The following ARHGAP24 variants were observed in gnomAD, a reference collection of about 807,000 sequenced individuals.
The protein encoded by ARHGAP24 is rho GTPase-activating protein 24.
ARHGAP24 carries 50 observed loss-of-function variants against 76.4 expected under a neutral mutation model. The ratio of observed to expected loss-of-function variants is 0.65; its 90% CI spans 0.52 to 0.83. The LOEUF (loss-of-function observed/expected upper bound fraction) is 0.83, where lower values mean the gene tolerates loss of function less well. Ranked by LOEUF, ARHGAP24 falls within the 40% of genes least tolerant of loss-of-function variation. The pLI, the probability that ARHGAP24 is intolerant of heterozygous loss-of-function variation, is 0.00. For synonymous variants in ARHGAP24, 345 were observed against 323.3 expected (o/e 1.07, Z -0.72); for missense variants, 930 against 914.2 (o/e 1.02, Z -0.22).
chr4:85,944,756 A>G (rs566937581), intron 5 of ARHGAP24, among the ~76,000 whole-genome samples: 1 of 152,370 alleles, frequency 6.6e-6, no homozygotes, highest in East Asian at 1.9e-4. Context: ...TATGAAAATC[A>G]TGAAATCAGA....
At chr4:85,766,973 T>C (rs1726952176) in intron 3 of ARHGAP24, among the ~76,000 whole-genome samples, 1 of 152,220 alleles carries the variant, frequency 6.6e-6, no homozygotes, top group African/African-American at 2.4e-5. Flanking sequence ...TGTTTAGATA[T>C]GTTTGGATAC....
chr4:85,902,411 T>G (rs1734549500), intron 3 of ARHGAP24, among the ~76,000 whole-genome samples: 1 of 152,198 alleles, frequency 6.6e-6, no homozygotes, highest in Non-Finnish European at 1.5e-5. Flanking sequence ...GTGGACCCAG[T>G]GCCTTTACAC....
At chr4:85,928,836 T>G (rs13112381) in intron 4 of ARHGAP24, among the ~76,000 whole-genome samples, 15,903 of 152,138 alleles carry the variant, frequency 0.1, 954 homozygotes, top group East Asian at 0.23. Flanking sequence ...TGTATATTTC[T>G]GCCTCCTAAT....
intron 3 of ARHGAP24, among the ~76,000 whole-genome samples, chr4:85,799,411 GA>G: frequency 6.6e-6 from 1 of 152,176 alleles, no homozygotes; most frequent in Admixed American, 6.5e-5. Context: ...TTTGAGCAAG[GA>G]AAGAAAGATA....
At chr4:85,936,483 T>C (rs1452804906) in intron 4 of ARHGAP24, among the ~76,000 whole-genome samples, 2 of 152,094 alleles carry the variant, frequency 1.3e-5, no homozygotes, top group Non-Finnish European at 2.9e-5. Flanking sequence ...GTGTGGTCCT[T>C]GTGTCTGTGG....
intron 2 of ARHGAP24, among the ~76,000 whole-genome samples, chr4:85,620,839 G>T (rs1045514927): frequency 6.6e-6 from 1 of 151,890 alleles, no homozygotes; most frequent in South Asian, 2.1e-4. Flanking sequence ...TGGGTGTATT[G>T]TATAATGCTA....
At chr4:85,865,570 AAAT>A (rs994510604) in intron 3 of ARHGAP24, among the ~76,000 whole-genome samples, 3 of 147,964 alleles carry the variant, frequency 2.0e-5, no homozygotes, top group Admixed American at 6.8e-5. Flanking sequence ...ATAATTATAT[AAAT>A]AATAAATAAT....
At chr4:85,597,841 G>A (rs962302142) in intron 2 of ARHGAP24, among the ~76,000 whole-genome samples, 2 of 152,094 alleles carry the variant, frequency 1.3e-5, no homozygotes, top group East Asian at 3.9e-4. Flanking sequence ...TATTCTATCA[G>A]TTGAGCCTAG....
chr4:85,948,034 A>G (rs1053398551), intron 5 of ARHGAP24, among the ~76,000 whole-genome samples: 3 of 152,196 alleles, frequency 2.0e-5, no homozygotes, highest in Admixed American at 2.0e-4. Flanking sequence ...CAAGGATCAG[A>G]AAACAAATTT....
Position 86,001,099 on chromosome 4 carries a change from A to G in ARHGAP24, c.*377A>G, listed in dbSNP as rs1035221647. The G allele has an allele frequency of 5.0e-6, 2 of 398,280 alleles. No individual in the cohort carries two copies. The highest frequency in any genetic ancestry group is 8.0e-5 in the Admixed American group (2 of 25,092). 24.7% of individuals were successfully genotyped at this position (398,280 alleles called of 1,614,324 possible). On this transcript the variant is annotated 3_prime_UTR_variant, in exon 10 of 10. Transcript: ENST00000395184. ...GCACTTAACATAAGCTATTTTTGGC[A>G]TTGTGTTATCATCGGCTTATTTTAT...
intron 3 of ARHGAP24, among the ~76,000 whole-genome samples, chr4:85,835,480 C>T (rs567307077): frequency 3.0e-4 from 43 of 145,718 alleles, no homozygotes; most frequent in African/African-American, 9.9e-4. Flanking sequence ...GACGTGAACC[C>T]GGGAGGCGGA....
At chr4:85,894,611 A>G (rs1227614470) in intron 3 of ARHGAP24, among the ~76,000 whole-genome samples, 1 of 152,178 alleles carries the variant, frequency 6.6e-6, no homozygotes, top group Non-Finnish European at 1.5e-5. Context: ...CAAACCCCAC[A>G]TTATTCATTA....
intron 1 of ARHGAP24, among the ~76,000 whole-genome samples, chr4:85,532,583 T>G (rs910457199): frequency 1.3e-5 from 2 of 152,176 alleles, no homozygotes; most frequent in Non-Finnish European, 2.9e-5. Context: ...CATTTAAGAT[T>G]ATATAATATT....
At chr4:85,705,234 T>G (rs572624770) in intron 2 of ARHGAP24, among the ~76,000 whole-genome samples, 4 of 152,146 alleles carry the variant, frequency 2.6e-5, no homozygotes, top group Admixed American at 2.6e-4. Flanking sequence ...TTTACCAAGT[T>G]TATATAGGAT....
At chr4:85,769,733 G>A (rs796579971) in intron 3 of ARHGAP24, among the ~76,000 whole-genome samples, 219 of 151,182 alleles carry the variant, frequency 1.4e-3, no homozygotes, top group African/African-American at 4.9e-3. Context: ...GATTACAGGC[G>A]CCCGCCACTA....
chr4:85,517,087 T>C (rs1005812429), intron 1 of ARHGAP24, among the ~76,000 whole-genome samples: 1 of 152,158 alleles, frequency 6.6e-6, no homozygotes, highest in Non-Finnish European at 1.5e-5. Flanking sequence ...CCACAGCACT[T>C]GGTCCATTTC....
At chr4:85,861,000 GCACACA>G (rs70948764) in intron 3 of ARHGAP24, among the ~76,000 whole-genome samples, 18 of 137,442 alleles carry the variant, frequency 1.3e-4, no homozygotes, top group African/African-American at 3.8e-4. Flanking sequence ...GTGCATGCAC[GCACACA>G]CACACACACA....
chr4:85,627,537 G>A (rs976858481), intron 2 of ARHGAP24, among the ~76,000 whole-genome samples: 8 of 152,344 alleles, frequency 5.3e-5, no homozygotes, highest in African/African-American at 1.9e-4. Context: ...CACTTGAGGA[G>A]GCAGTCTGCC....
intron 1 of ARHGAP24, among the ~76,000 whole-genome samples, chr4:85,556,182 CTCTA>C (rs1726356692): frequency 6.6e-6 from 1 of 152,090 alleles, no homozygotes; most frequent in Admixed American, 6.5e-5. Flanking sequence ...CTGAGCTTCT[CTCTA>C]TATAATAACT....
Sources: allele counts gnomAD v4.1 joint callset (sites outside exome capture counted in the v4.1 genomes callset), GRCh38; gene constraint gnomAD v4.1.1; transcripts MANE v1.5; gene names NCBI Gene and HGNC (gene_info 2026-07-23, HGNC 2026-07-21).